The following UBR4 variants were observed in gnomAD, a reference collection of about 807,000 sequenced individuals.
UBR4 encodes the protein ubiquitin protein ligase E3 component n-recognin 4, also known as E3 ubiquitin-protein ligase UBR4.
In UBR4, 124 loss-of-function variants were observed where a neutral mutation model predicts 575.6. That is an observed-to-expected ratio of 0.22 (90% confidence interval 0.19 to 0.25). The LOEUF is 0.25. UBR4 is among the 10% of genes least tolerant of loss of function. UBR4 has a pLI of 1.00. For missense variants in UBR4, 4,818 were observed against 6,478.8 expected (o/e 0.74, Z 8.80); for synonymous variants, 2,455 against 2,473.7 (o/e 0.99, Z 0.22).
At chr1:19,097,939 C>T (rs2078219270) in intron 90 of UBR4, among the ~76,000 whole-genome samples, 1 of 152,162 alleles carries the variant, frequency 6.6e-6, no homozygotes, top group African/African-American at 2.4e-5. Context: ...TTATAAATGA[C>T]AAAATTACAG....
chr1:19,178,984 C>A, intron 18 of UBR4, 67 bp downstream of exon 18: 1 of 1,571,602 alleles, frequency 6.4e-7, no homozygotes, highest in Non-Finnish European at 8.6e-7. Context: ...AGATTAACTA[C>A]AAAGAAGTCA....
chr1:19,106,479 G>T, intron 83 of UBR4, 90 bp downstream of exon 83: 1 of 1,434,702 alleles, frequency 7.0e-7, no homozygotes, highest in South Asian at 1.5e-5. Context: ...AGAGATGGCA[G>T]TGCAGACACA....
Position 19,165,363 on chromosome 1 carries a change from T to G in UBR4, c.4212-14A>C. 6 of 1,599,714 alleles carry G rather than the reference T, an allele frequency of 3.8e-6. No homozygotes were observed. The highest frequency in any genetic ancestry group is 5.1e-6 in the Non-Finnish European group (6 of 1,170,048). On this transcript the variant is annotated splice_polypyrimidine_tract_variant and intron_variant, in intron 30 of 105. Coordinates refer to ENST00000375254, the MANE Select transcript of UBR4 (RefSeq NM_020765.3). ...ACAAGTTCTCCACTGGGAGGCAAGA[T>G]GGGAGAAAAATGGAAAGAATCACAT... is the stretch of plus-strand genomic sequence containing the variant.
intron 54 of UBR4, 126 bp downstream of exon 54, chr1:19,144,660 A>G (rs935191895): frequency 3.0e-6 from 4 of 1,350,494 alleles, no homozygotes; most frequent in African/African-American, 1.5e-5. Context: ...TTTTATTGAT[A>G]TTTGAAACTT....
intron 43 of UBR4, 144 bp downstream of exon 43, chr1:19,155,297 G>C (rs1319985443): frequency 1.9e-6 from 2 of 1,054,392 alleles, no homozygotes; most frequent in Non-Finnish European, 1.4e-6. Flanking sequence ...TAGAAAGTTA[G>C]ATGGAAAAAC....
intron 38 of UBR4, 68 bp downstream of exon 38, chr1:19,160,849 T>C: frequency 2.7e-6 from 4 of 1,481,590 alleles, no homozygotes; most frequent in Non-Finnish European, 3.7e-6. Flanking sequence ...TGTGCATTAT[T>C]TACTCTCACA....
At position 19,155,043 on chromosome 1, in the gene UBR4, C is replaced by T; in HGVS notation, c.6333G>A (p.Val2111=). The T allele has an allele frequency of 6.2e-7, 1 of 1,614,074 alleles. No individual in the cohort carries two copies. The highest frequency in any genetic ancestry group is 1.3e-5 in the African/African-American group (1 of 75,024). The part of the protein sequence containing the change: ...DSNSQVAGGG[V]SVYYSHVLQM... ...GCAACACGTGGGAGTAGTACACGGA[C>T]ACACCACCGCCCGCCACCTGGCTGT... is the stretch of plus-strand genomic sequence containing the variant. Residue 2111 remains valine (V), a synonymous_variant, in exon 44 of 106, where the codon GTG becomes GTA. Coordinates refer to ENST00000375254, the MANE Select transcript of UBR4 (RefSeq NM_020765.3).
chr1:19,075,781 T>C (rs1450733535), intron 105 of UBR4, among the ~76,000 whole-genome samples: 6 of 152,228 alleles, frequency 3.9e-5, no homozygotes, highest in Non-Finnish European at 8.8e-5. Flanking sequence ...GTGGGTCTCA[T>C]TCCCAGAGGA....
chr1:19,210,138 C>T lies in UBR4; in HGVS notation c.111G>A (p.Leu37=). The part of the protein sequence containing the change: ...PGWEVAVRPL[L]SASYSAFEMK... ...TCTCGAAGGCGGAGTAGGACGCGGA[C>T]AGCAGGGGCCGCACAGCCACCTCCC... Residue 37 remains leucine (L), a synonymous_variant, in exon 1 of 106, where the codon CTG becomes CTA. Transcript: ENST00000375254. 6.3e-7 allele frequency: 1 copy of T among 1,583,052 alleles called. No individual in the cohort carries two copies. The highest frequency in any genetic ancestry group is 8.6e-7 in the Non-Finnish European group (1 of 1,167,760).
intron 60 of UBR4, 35 bp downstream of exon 60, chr1:19,137,972 G>T (rs2083388432): frequency 4.9e-6 from 7 of 1,442,472 alleles, no homozygotes; most frequent in Non-Finnish European, 6.4e-6. Flanking sequence ...TCTCAGATAG[G>T]CAAGCCTCTT....
chr1:19,208,025 T>C (rs1413655863), intron 1 of UBR4, among the ~76,000 whole-genome samples: 1 of 152,246 alleles, frequency 6.6e-6, no homozygotes, highest in Non-Finnish European at 1.5e-5. Context: ...GAACACTTGA[T>C]ACGTTTAGCT....
intron 59 of UBR4, among the ~76,000 whole-genome samples, chr1:19,138,709 C>A (rs986757243): frequency 2.0e-5 from 3 of 151,950 alleles, no homozygotes; most frequent in Non-Finnish European, 4.4e-5. Context: ...GAGGAGAAAC[C>A]ATAGGATAAT....
At chr1:19,178,927 C>A (rs1446907047) in intron 18 of UBR4, 124 bp downstream of exon 18, 2 of 1,233,010 alleles carry the variant, frequency 1.6e-6, no homozygotes, top group Admixed American at 4.6e-5. Flanking sequence ...CCCTCTTCTA[C>A]CCTCCCCACT....
In UBR4 at chr1:19,110,183, A is replaced by G; in HGVS notation, c.12018T>C (p.Pro4006=). Residue 4006 remains proline, a synonymous_variant, in exon 81 of 106, where the codon CCT becomes CCC. Coordinates refer to ENST00000375254, the MANE Select transcript of UBR4 (RefSeq NM_020765.3). The surrounding 1 kb of genome is among the most constrained non-coding windows in gnomAD (Gnocchi z 4.5). ...LFLMAVNIKT[P]VVVENITLMC... ...TGAGGGTAATGTTTTCAACCACCAC[A>G]GGAGTCTTAATGTTCACAGCCATGA... 3 of 1,614,206 alleles carry G rather than the reference A, an allele frequency of 1.9e-6. No homozygotes were observed. The highest frequency in any genetic ancestry group is 2.5e-6 in the Non-Finnish European group (3 of 1,180,024).
chr1:19,207,400 G>A (rs12025794), intron 1 of UBR4, among the ~76,000 whole-genome samples: 4,927 of 152,312 alleles, frequency 0.032, 111 homozygotes, highest in East Asian at 0.12. Context: ...AGGCCAAGGC[G>A]GGCGGATCAC....
chr1:19,097,162 C>T, intron 91 of UBR4, 31 bp downstream of exon 91: 1 of 1,588,164 alleles, frequency 6.3e-7, no homozygotes, highest in Non-Finnish European at 8.6e-7. Flanking sequence ...AGTCCCAAGC[C>T]TCAGATCCAA....
At position 19,093,092 on chromosome 1, in the gene UBR4, G is replaced by C. The variant is rs1171185416; in HGVS notation, c.14112-174C>G. The stretch of plus-strand genomic sequence containing the variant: ...CTCAGCTGAAAAGCCAGAAAGAAGT[G>C]AGTACTCTAAGTAGAAACCAAAAAG... On this transcript the variant is annotated intron_variant, in intron 96 of 105. Transcript: ENST00000375254. This position sits in a 1 kb window ranked among gnomAD's most constrained non-coding sequence, Gnocchi z 4.8. Among the ~76,000 whole-genome samples, 2 of 152,224 alleles carry C rather than the reference G, an allele frequency of 1.3e-5. No homozygotes were observed. The highest frequency in any genetic ancestry group is 6.5e-5 in the Admixed American group (1 of 15,282).
chr1:19,178,318 C>T (rs376572518), intron 18 of UBR4, among the ~76,000 whole-genome samples: 1 of 152,254 alleles, frequency 6.6e-6, no homozygotes, highest in East Asian at 1.9e-4. Context: ...TGAATGTAGC[C>T]AACTGTTTCC....
At chr1:19,075,191 G>T (rs1001413518) in intron 105 of UBR4, 2 of 407,092 alleles carry the variant, frequency 4.9e-6, no homozygotes, top group African/African-American at 4.1e-5. Context: ...TAATAAAGTG[G>T]TGCTGTCAAA....
Sources: allele counts gnomAD v4.1 joint callset (sites outside exome capture counted in the v4.1 genomes callset), GRCh38; gene constraint gnomAD v4.1.1; non-coding constraint Gnocchi (gnomAD v3.1); transcripts MANE v1.5; gene names NCBI Gene and HGNC (gene_info 2026-07-23, HGNC 2026-07-21).